NCAN: variants seen among roughly 807,000 people sequenced by gnomAD.
NCAN encodes the protein neurocan core protein.
Under a neutral mutation model 121.8 loss-of-function variants are expected in NCAN, and 47 were observed. The ratio of observed to expected loss-of-function variants is 0.39; its 90% CI spans 0.31 to 0.49. The LOEUF (loss-of-function observed/expected upper bound fraction) is 0.49, where lower values mean the gene tolerates loss of function less well. Among genes scored for constraint, NCAN ranks in the 20% least tolerant of loss-of-function variants. The pLI is 0.92. For missense variants in NCAN, 1,517 were observed against 1,773.4 expected, an observed-to-expected ratio of 0.86 and a Z score of 2.60; for synonymous variants, 633 against 702.0, an observed-to-expected ratio of 0.90 and a Z score of 1.55.
intron 13 of NCAN, among the ~76,000 whole-genome samples, chr19:19,247,636 C>G (rs555539869): frequency 6.6e-6 from 1 of 152,274 alleles, no homozygotes; most frequent in South Asian, 2.1e-4. Flanking sequence ...AGCAATCCTT[C>G]CACCTCAGCC....
At chr19:19,220,714 C>T (rs1286321736) in intron 3 of NCAN, among the ~76,000 whole-genome samples, 1 of 152,036 alleles carries the variant, frequency 6.6e-6, no homozygotes, top group African/African-American at 2.4e-5. Flanking sequence ...ACCTCGGCCT[C>T]CCAAAGTGCT....
rs2060919986 is a variant in NCAN, at chr19:19,245,173, C to CA, written c.3493-139dup. 6.8e-6 allele frequency: 7 copies of CA among 1,027,140 alleles called. No individual in the cohort carries two copies. The South Asian group carries it at 1.2e-4, about 17-fold the overall frequency. 63.6% of individuals were successfully genotyped at this position (1,027,140 alleles called of 1,614,324 possible). A position where few individuals can be genotyped will look rare whatever the true frequency, so the allele number is the denominator to read the frequency against. On this transcript the variant is annotated intron_variant, in intron 12 of 14. Coordinates refer to ENST00000252575, the MANE Select transcript of NCAN (RefSeq NM_004386.3). ...GTGGCCCCCGTCAGGATGGGCAGGACAGTGGCCATTGTAGAGATGGGAACA... is the reference window on the plus strand; with the variant it reads ...GTGGCCCCCGTCAGGATGGGCAGGACAAGTGGCCATTGTAGAGATGGGAACA...
intron 3 of NCAN, 101 bp from the exon 4 acceptor site, chr19:19,223,920 T>G: frequency 8.1e-7 from 1 of 1,234,530 alleles, no homozygotes; most frequent in South Asian, 1.9e-5. Context: ...AGGTCTATTA[T>G]TATCAGACAG....
chr19:19,221,029 T>C (rs1278714851), intron 3 of NCAN, among the ~76,000 whole-genome samples: 1 of 151,990 alleles, frequency 6.6e-6, no homozygotes, highest in Non-Finnish European at 1.5e-5. Flanking sequence ...GCTCAGGAGT[T>C]TGAGACCAGC....
chr19:19,217,030 A>T lies in NCAN; in HGVS notation c.73+4A>T. On this transcript the variant is annotated splice_donor_region_variant and intron_variant, in intron 2 of 14. Coordinates refer to ENST00000252575, the MANE Select transcript of NCAN (RefSeq NM_004386.3). ...CTCTTTGTGGCTGGGGAACAGGGTGAGTTGGTTTGTGGGGAGGGAGAGATT... is the reference window on the plus strand; with the variant it reads ...CTCTTTGTGGCTGGGGAACAGGGTGTGTTGGTTTGTGGGGAGGGAGAGATT... 7.6e-7 allele frequency: 1 copy of T among 1,311,320 alleles called. No individual in the cohort carries two copies. The highest frequency in any genetic ancestry group is 9.8e-7 in the Non-Finnish European group (1 of 1,020,726). 81.2% of individuals were successfully genotyped at this position (1,311,320 alleles called of 1,614,324 possible). A position where few individuals can be genotyped will look rare whatever the true frequency, so the allele number is the denominator to read the frequency against.
At chr19:19,235,211 C>T (rs1423524485) in intron 10 of NCAN, 115 bp downstream of exon 10, 1 of 590,534 alleles carries the variant, frequency 1.7e-6, no homozygotes, top group Non-Finnish European at 3.1e-6. Context: ...GTGAGCCTGA[C>T]ACAAGATAAA....
Position 19,224,180 on chromosome 19 carries a change from C to A in NCAN, c.635C>A (p.Ser212Tyr). 6.3e-7 allele frequency: 1 copy of A among 1,591,266 alleles called. No homozygotes were observed. Among genetic ancestry groups the A allele is most frequent in the Non-Finnish European group, 8.6e-7 (1 of 1,163,446 alleles). ...GFDNCDAGWL[S>Y]DRTVRYPITQ... ...GACAACTGTGATGCTGGCTGGCTCTCTGACCGCACTGTTCGGTGAGGGGGA... is the reference window on the plus strand; with the variant it reads ...GACAACTGTGATGCTGGCTGGCTCTATGACCGCACTGTTCGGTGAGGGGGA... The change falls in exon 4 of 15, where the codon TCT becomes TAT. Residue 212 changes from serine to tyrosine, a missense_variant. Coordinates refer to ENST00000252575, the MANE Select transcript of NCAN (RefSeq NM_004386.3).
intron 13 of NCAN, among the ~76,000 whole-genome samples, chr19:19,247,776 G>A (rs1014971874): frequency 5.3e-5 from 8 of 152,202 alleles, no homozygotes; most frequent in East Asian, 1.9e-4. Flanking sequence ...AGAAAGTGAG[G>A]TGTGTCCGGG....
chr19:19,229,289 T>G (rs2060849761), intron 8 of NCAN, among the ~76,000 whole-genome samples: 1 of 152,240 alleles, frequency 6.6e-6, no homozygotes, highest in East Asian at 1.9e-4. Context: ...GTACAAGCCA[T>G]GTCTACATCT....
chr19:19,216,969 G>A lies in NCAN; in HGVS notation c.16G>A (p.Val6Ile), dbSNP rs762941863. Reference sequence around the variant, plus strand: ...CAGATCCAGGATGGGGGCCCCGTTTGTCTGGGCCTTGGGCCTTTTGATGCT... The same window carrying A: ...CAGATCCAGGATGGGGGCCCCGTTTATCTGGGCCTTGGGCCTTTTGATGCT... MGAPF[V>I]WALGLLMLQM... Residue 6 changes from valine to isoleucine, a missense_variant, in exon 2 of 15, where the codon GTC (valine) becomes ATC (isoleucine). By Grantham distance (29) the Val-to-Ile change is conservative. Coordinates refer to ENST00000252575, the MANE Select transcript of NCAN (RefSeq NM_004386.3). The A allele has an allele frequency of 3.0e-5, 39 of 1,312,038 alleles. No individual in the cohort carries two copies. Among genetic ancestry groups the A allele is most frequent in the Non-Finnish European group, 3.5e-5 (36 of 1,021,198 alleles). The allele number at this position is 1,312,038 out of a possible 1,614,324, so 81.3% of individuals were successfully genotyped here. A position where few individuals can be genotyped will look rare whatever the true frequency, so the allele number is the denominator to read the frequency against.
chr19:19,216,315 A>AT (rs879701337), intron 1 of NCAN, among the ~76,000 whole-genome samples: 2,627 of 137,618 alleles, frequency 0.019, 60 homozygotes, highest in African/African-American at 0.062. Flanking sequence ...AGCCCAGATA[A>AT]TTTTTTTTTT....
chr19:19,233,800 C>G lies in NCAN; in HGVS notation c.3031C>G (p.Pro1011Ala). The G allele has an allele frequency of 6.2e-7, 1 of 1,610,392 alleles. No individual in the cohort carries two copies. Among genetic ancestry groups the G allele is most frequent in the Non-Finnish European group, 8.5e-7 (1 of 1,176,612 alleles). Residue 1011 changes from proline to alanine, a missense_variant, in exon 9 of 15, where the codon CCC becomes GCC. Pro to Ala is a conservative substitution (Grantham distance 27). Coordinates refer to ENST00000252575, the MANE Select transcript of NCAN (RefSeq NM_004386.3). ...NAGAEEVHSD[P>A]CENNPCLHGG... The stretch of plus-strand genomic sequence containing the variant: ...CATCCATCCTGCAGTGCACTCAGAT[C>G]CCTGTGAGAACAACCCTTGTCTTCA...
At chr19:19,213,124 G>A (rs529998196) in intron 1 of NCAN, among the ~76,000 whole-genome samples, 1 of 152,292 alleles carries the variant, frequency 6.6e-6, no homozygotes, top group South Asian at 2.1e-4. Flanking sequence ...GGGCCCCAGC[G>A]GGGGACGTGG....
intron 14 of NCAN, among the ~76,000 whole-genome samples, chr19:19,249,556 A>G (rs369689485): frequency 3.9e-5 from 6 of 152,004 alleles, no homozygotes; most frequent in Non-Finnish European, 8.8e-5. Flanking sequence ...TTGTAGAGAT[A>G]GGTTCTCGCT....
rs781698506 is a variant in NCAN at position 19,217,064 on chromosome 19, G to C, written c.73+38G>C. On this transcript the variant is annotated intron_variant, in intron 2 of 14. Coordinates refer to ENST00000252575, the MANE Select transcript of NCAN (RefSeq NM_004386.3). ...GTGGGGAGGGAGAGATTGGGGTCTA[G>C]GGGATGGACAAGATGGGGCAGCTTT... 3 of 1,297,454 alleles carry C rather than the reference G, an allele frequency of 2.3e-6. No homozygotes were observed. The African/African-American group carries it at 4.5e-5, about 20-fold the overall frequency. The allele number at this position is 1,297,454 out of a possible 1,614,324, so 80.4% of individuals were successfully genotyped here.
chr19:19,243,882 T>C (rs2060913880), intron 12 of NCAN, among the ~76,000 whole-genome samples: 1 of 151,448 alleles, frequency 6.6e-6, no homozygotes, highest in Non-Finnish European at 1.5e-5. Flanking sequence ...AAAAATTAGC[T>C]GGGCATGGTG....
intron 3 of NCAN, among the ~76,000 whole-genome samples, chr19:19,222,193 T>TAAC (rs745535022): frequency 5.9e-4 from 90 of 152,102 alleles, no homozygotes; most frequent in South Asian, 1.5e-3. Flanking sequence ...TGATAAAAGC[T>TAAC]AACAACAACA....
chr19:19,244,185 G>A (rs992565450), intron 12 of NCAN, among the ~76,000 whole-genome samples: 4 of 151,904 alleles, frequency 2.6e-5, no homozygotes, highest in African/African-American at 9.7e-5. Flanking sequence ...GCCCCATCAC[G>A]CAGCTCCAGC....
In NCAN at chr19:19,226,664, G is replaced by A. The variant is rs1218487677; in HGVS notation, c.1251G>A (p.Leu417=). 3 of 1,613,816 alleles carry A rather than the reference G, an allele frequency of 1.9e-6. No individual in the cohort carries two copies. Among genetic ancestry groups the A allele is most frequent in the Non-Finnish European group, 2.5e-6 (3 of 1,179,886 alleles). The change falls in exon 7 of 15, where the codon CTG becomes CTA. Residue 417 remains leucine (L), a synonymous_variant. Transcript: ENST00000252575. ...PLVSSGEEET[L]ILEEKQESQQ... is the part of the protein sequence containing the mutation. ...TGTCCAGTGGGGAAGAAGAAACCCT[G>A]ATTTTGGAGGAGAAGCAGGAGTCTC...
Sources: allele counts gnomAD v4.1 joint callset (sites outside exome capture counted in the v4.1 genomes callset), GRCh38; gene constraint gnomAD v4.1.1; transcripts MANE v1.5; gene names NCBI Gene and HGNC (gene_info 2026-07-23, HGNC 2026-07-21).